The following FBXW11 variants were observed in gnomAD, a reference collection of about 807,000 sequenced individuals.
The protein encoded by FBXW11 is F-box and WD repeat domain containing 11, also known as F-box/WD repeat-containing protein 11.
FBXW11 carries 19 observed loss-of-function variants against 77.6 expected under a neutral mutation model. The ratio of observed to expected loss-of-function variants is 0.24; its 90% confidence interval spans 0.17 to 0.36. The LOEUF (loss-of-function observed/expected upper bound fraction) is 0.36, where lower values mean the gene tolerates loss of function less well. FBXW11 is among the 10% of genes least tolerant of loss of function. The pLI is 1.00. For missense variants in FBXW11, 334 were observed against 704.2 expected (o/e 0.47, Z 5.95); for synonymous variants, 235 against 249.4 (o/e 0.94, Z 0.54).
At chr5:171,886,087 T>C (rs1459274164) in intron 7 of FBXW11, among the ~76,000 whole-genome samples, 9 of 152,232 alleles carry the variant, frequency 5.9e-5, no homozygotes, top group African/African-American at 2.4e-5. Flanking sequence ...AGCCAGACTA[T>C]GCTTTGACAA....
At chr5:171,920,232 G>A (rs1043427041) in intron 2 of FBXW11, among the ~76,000 whole-genome samples, 1 of 152,026 alleles carries the variant, frequency 6.6e-6, no homozygotes, top group African/African-American at 2.4e-5. Flanking sequence ...ACTGAATTCT[G>A]AACATAAGTG....
Position 171,904,624 on chromosome 5 carries a change from T to C in FBXW11, c.437-4524A>G. On this transcript the variant is annotated intron_variant, in intron 4 of 13. Transcript: ENST00000517395. The surrounding 1 kb of genome is among the most constrained non-coding windows in gnomAD (Gnocchi z 4.0). ...TTCTCACTCTGTCGCCAGTATGGAG[T>C]GCAGTGGTGGGATCTCAGCTCACTG... is the stretch of plus-strand genomic sequence containing the variant. Among the ~76,000 whole-genome samples, 1 of 152,126 alleles carries C rather than the reference T, an allele frequency of 6.6e-6. No individual in the cohort carries two copies.
intron 9 of FBXW11, among the ~76,000 whole-genome samples, chr5:171,875,388 A>C (rs1472573103): frequency 1.3e-5 from 2 of 152,238 alleles, no homozygotes; most frequent in Non-Finnish European, 2.9e-5. Context: ...CAATTATATG[A>C]AGTGTTTAGA....
chr5:171,896,535 G>A (rs761133405), intron 6 of FBXW11, among the ~76,000 whole-genome samples: 1 of 152,068 alleles, frequency 6.6e-6, no homozygotes, highest in Non-Finnish European at 1.5e-5. Context: ...AATTCAGCAG[G>A]CATAAAACAT....
In FBXW11 at chr5:171,910,556, A is replaced by G; in HGVS notation, c.436+16T>C. Reference sequence around the variant, plus strand: ...TTCTTCAACTGCTCAGCTTTTGAAAAGACAAGTACAGTTACCTGGTAAAGC... The same window carrying G: ...TTCTTCAACTGCTCAGCTTTTGAAAGGACAAGTACAGTTACCTGGTAAAGC... On this transcript the variant is annotated intron_variant, in intron 4 of 13. Transcript: ENST00000517395. 1 of 1,593,230 alleles carries G rather than the reference A, an allele frequency of 6.3e-7. No homozygotes were observed. Among genetic ancestry groups the G allele is most frequent in the Non-Finnish European group, 8.6e-7 (1 of 1,167,200 alleles).
intron 7 of FBXW11, among the ~76,000 whole-genome samples, chr5:171,888,829 G>A (rs552925387): frequency 6.6e-5 from 10 of 152,250 alleles, no homozygotes; most frequent in African/African-American, 2.4e-4. Flanking sequence ...ATAAAAAAGA[G>A]AGAATTCTCA....
chr5:171,974,208 G>A (rs1764688331), intron 1 of FBXW11, among the ~76,000 whole-genome samples: 1 of 152,094 alleles, frequency 6.6e-6, no homozygotes, highest in African/African-American at 2.4e-5. Flanking sequence ...ACCGAGGGTG[G>A]CGAATCACCT....
rs934792940 is a variant in FBXW11 at position 171,957,813 on chromosome 5, T to C, written c.46-115A>G. 19 of 852,020 alleles carry C rather than the reference T, an allele frequency of 2.2e-5. 1 individual carries two copies. The highest frequency in any genetic ancestry group is 1.5e-4 in the African/African-American group (9 of 60,064). The allele number at this position is 852,020 out of a possible 1,614,324, so 52.8% of individuals were successfully genotyped here. On this transcript the variant is annotated intron_variant, in intron 1 of 13. Transcript: ENST00000517395. ...GGGCAGGGGGTGCACCCTTGGCAGTTTGGAGGTTAGGGATGGTCCCAGACA... is the reference window on the plus strand; with the variant it reads ...GGGCAGGGGGTGCACCCTTGGCAGTCTGGAGGTTAGGGATGGTCCCAGACA...
intron 4 of FBXW11, chr5:171,908,679 T>C (rs1015933342): frequency 6.6e-6 from 1 of 152,174 alleles, no homozygotes; most frequent in African/African-American, 2.4e-5. Flanking sequence ...CAAATATCCT[T>C]AAAACTCCCA....
At chr5:172,001,529 G>C (rs1055221543) in intron 1 of FBXW11, among the ~76,000 whole-genome samples, 5 of 152,194 alleles carry the variant, frequency 3.3e-5, no homozygotes, top group African/African-American at 4.8e-5. Context: ...AGATAATTAA[G>C]GTCCCAGCCC....
At chr5:171,991,050 T>G (rs1344422186) in intron 1 of FBXW11, among the ~76,000 whole-genome samples, 1 of 152,144 alleles carries the variant, frequency 6.6e-6, no homozygotes, top group Non-Finnish European at 1.5e-5. Flanking sequence ...GGTCTTGAAC[T>G]CCTAACCTCA....
chr5:171,929,578 G>A (rs1343445313), intron 2 of FBXW11, among the ~76,000 whole-genome samples: 1 of 152,062 alleles, frequency 6.6e-6, no homozygotes, highest in Non-Finnish European at 1.5e-5. Flanking sequence ...ATGGCCGGGC[G>A]TGGTGGCTCA....
chr5:171,957,121 C>T (rs1444571356), intron 2 of FBXW11, among the ~76,000 whole-genome samples: 2 of 152,196 alleles, frequency 1.3e-5, no homozygotes, highest in Admixed American at 6.5e-5. Context: ...TCTTTATAAA[C>T]TTCAGTTTGA....
chr5:171,950,443 C>A (rs1200786930), intron 2 of FBXW11, among the ~76,000 whole-genome samples: 8 of 151,266 alleles, frequency 5.3e-5, no homozygotes, highest in Non-Finnish European at 1.2e-4. Flanking sequence ...TCGCCTCCAC[C>A]CCTAAAATCT....
chr5:171,892,693 G>C (rs958463186), intron 6 of FBXW11, among the ~76,000 whole-genome samples: 1 of 152,174 alleles, frequency 6.6e-6, no homozygotes, highest in African/African-American at 2.4e-5. Flanking sequence ...CCTAACCTCT[G>C]GTAGTAGACA....
At chr5:171,973,668 T>C (rs1011124493) in intron 1 of FBXW11, among the ~76,000 whole-genome samples, 9 of 152,210 alleles carry the variant, frequency 5.9e-5, no homozygotes, top group Admixed American at 5.2e-4. Flanking sequence ...TCTTGGACTT[T>C]AGTTAATAAT....
In FBXW11 at chr5:171,868,669, G is replaced by C; in HGVS notation, c.1658C>G (p.Ser553Cys). ...GATGTAAGTGTATGTTCTGGAGGGA[G>C]AACGGGTCTCATTCTGGGCACTGGG... ...VPPSAQNETR[S>C]PSRTYTYISR The change falls in exon 13 of 14, where the codon TCT becomes TGT. Residue 553 changes from serine to cysteine, a missense_variant. Ser to Cys is a moderately radical substitution (Grantham distance 112, BLOSUM62 -1). This residue lies in a region of FBXW11 where 20 missense variants were observed against 26.8 expected (regional missense o/e 0.75). Transcript: ENST00000517395. 1 of 1,613,710 alleles carries C rather than the reference G, an allele frequency of 6.2e-7. No individual in the cohort carries two copies. The highest frequency in any genetic ancestry group is 8.5e-7 in the Non-Finnish European group (1 of 1,179,838).
At chr5:171,929,596 A>G (rs187390569) in intron 2 of FBXW11, among the ~76,000 whole-genome samples, 3 of 152,290 alleles carry the variant, frequency 2.0e-5, no homozygotes, top group Non-Finnish European at 2.9e-5. Context: ...TCAGGCCTGT[A>G]ATCCTAGCAC....
rs530269912 is a variant in FBXW11, at chr5:171,870,714, T to C, written c.1451+34A>G. 2.2e-4 allele frequency: 316 copies of C among 1,441,976 alleles called. 1 individual carries two copies. The African/African-American group carries it at 4.0e-3, about 18-fold the overall frequency. 89.3% of individuals were successfully genotyped at this position (1,441,976 alleles called of 1,614,324 possible). A position where few individuals can be genotyped will look rare whatever the true frequency, so the allele number is the denominator to read the frequency against. On this transcript the variant is annotated intron_variant, in intron 11 of 13. Coordinates refer to ENST00000517395, the MANE Select transcript of FBXW11 (RefSeq NM_001378974.1). ...CATTTCTCTTTCTTCTTGATACAGT[T>C]ATAGCAGTACATCTGAAAATCTGAA...
Sources: allele counts gnomAD v4.1 joint callset (sites outside exome capture counted in the v4.1 genomes callset), GRCh38; gene constraint gnomAD v4.1.1; regional missense constraint gnomAD v4.1.1; non-coding constraint Gnocchi (gnomAD v3.1); transcripts MANE v1.5; gene names NCBI Gene and HGNC (gene_info 2026-07-23, HGNC 2026-07-21).